The following NBEA variants were observed in gnomAD, a reference collection of about 807,000 sequenced individuals.
NBEA encodes lysosomal-trafficking regulator 2.
Under a neutral mutation model 343.4 loss-of-function variants are expected in NBEA, and 44 were observed. That is an observed-to-expected ratio of 0.13 (90% confidence interval 0.10 to 0.16). The LOEUF is 0.16. Among genes scored for constraint, NBEA ranks in the 10% least tolerant of loss-of-function variants. The pLI is 1.00. For synonymous variants in NBEA, 1,175 were observed against 1,238.7 expected (o/e 0.95, Z 1.08); for missense variants, 2,555 against 3,631.3 (o/e 0.70, Z 7.62).
chr13:35,436,923 A>G (rs141129086), intron 39 of NBEA, among the ~76,000 whole-genome samples: 31 of 152,306 alleles, frequency 2.0e-4, no homozygotes, highest in African/African-American at 6.7e-4. Context: ...CATGTTGTCT[A>G]CACTGGGAGA....
intron 11 of NBEA, among the ~76,000 whole-genome samples, chr13:35,106,680 A>T (rs1347553662): frequency 6.6e-6 from 1 of 151,984 alleles, no homozygotes; most frequent in Non-Finnish European, 1.5e-5. Context: ...ACACAATTTT[A>T]GAAAAATATT....
chr13:35,479,794 TTG>T (rs912734482), intron 41 of NBEA, among the ~76,000 whole-genome samples: 1 of 152,118 alleles, frequency 6.6e-6, no homozygotes, highest in African/African-American at 2.4e-5. Flanking sequence ...TAGAATAAAA[TTG>T]TGTGTGTGTC....
chr13:35,291,603 C>T (rs1011679042), intron 35 of NBEA, among the ~76,000 whole-genome samples: 36 of 151,790 alleles, frequency 2.4e-4, no homozygotes, highest in African/African-American at 7.7e-4. Context: ...TGGACCTTTT[C>T]GATTCATGAT....
chr13:35,304,311 G>A (rs2036742098), intron 35 of NBEA, among the ~76,000 whole-genome samples: 1 of 151,054 alleles, frequency 6.6e-6, no homozygotes, highest in Non-Finnish European at 1.5e-5. Flanking sequence ...GAATTACATT[G>A]CCTTGACAAA....
intron 41 of NBEA, among the ~76,000 whole-genome samples, chr13:35,524,998 C>T (rs1249281772): frequency 6.6e-6 from 1 of 152,074 alleles, no homozygotes; most frequent in Non-Finnish European, 1.5e-5. Flanking sequence ...AAATTGATGT[C>T]ATTTACTTAG....
chr13:35,410,855 G>A (rs939816884), intron 38 of NBEA, among the ~76,000 whole-genome samples: 2 of 152,124 alleles, frequency 1.3e-5, no homozygotes, highest in African/African-American at 4.8e-5. Context: ...TTTGATAAGG[G>A]GAATGAGCAG....
chr13:35,163,385 G>A lies in NBEA; in HGVS notation c.4080-971G>A, dbSNP rs533402991. Among the ~76,000 whole-genome samples the A allele has an allele frequency of 7.9e-5, 12 of 151,792 alleles. No individual in the cohort carries two copies. The South Asian group carries it at 2.3e-3, about 29-fold the overall frequency. Reference sequence around the variant, plus strand: ...AAAAACAGTTCAGGCTAGGTGTGGTGGCTCACACCTATAATCCCAGCACTT... The same window carrying A: ...AAAAACAGTTCAGGCTAGGTGTGGTAGCTCACACCTATAATCCCAGCACTT... On this transcript the variant is annotated intron_variant, in intron 23 of 58. Coordinates refer to ENST00000379939, the MANE Select transcript of NBEA (RefSeq NM_001385012.1).
At chr13:34,988,419 G>C (rs1022404191) in intron 1 of NBEA, among the ~76,000 whole-genome samples, 1 of 151,230 alleles carries the variant, frequency 6.6e-6, no homozygotes, top group African/African-American at 2.4e-5. Flanking sequence ...TATAGAGGTA[G>C]CCGGCCTTGC....
intron 1 of NBEA, among the ~76,000 whole-genome samples, chr13:34,994,323 C>T (rs962187236): frequency 1.0e-4 from 15 of 148,858 alleles, no homozygotes; most frequent in East Asian, 4.0e-4. Flanking sequence ...TTATGTGGAA[C>T]GAGTTTATAC....
At chr13:34,997,405 C>G (rs1465107883) in intron 1 of NBEA, among the ~76,000 whole-genome samples, 2 of 152,164 alleles carry the variant, frequency 1.3e-5, no homozygotes, top group Admixed American at 6.6e-5. Flanking sequence ...TTCCATTGCA[C>G]ATTGATATAT....
chr13:35,222,510 A>G (rs1184270038), intron 33 of NBEA, among the ~76,000 whole-genome samples: 1 of 151,982 alleles, frequency 6.6e-6, no homozygotes, highest in Non-Finnish European at 1.5e-5. Flanking sequence ...TTCCATCTGT[A>G]CTTTATTTTC....
At chr13:35,451,455 G>A (rs977045878) in intron 39 of NBEA, among the ~76,000 whole-genome samples, 8 of 152,120 alleles carry the variant, frequency 5.3e-5, no homozygotes, top group African/African-American at 1.9e-4. Flanking sequence ...GCAAAATAAG[G>A]CTATCATTTC....
chr13:35,000,225 A>T (rs1002292248), intron 1 of NBEA, among the ~76,000 whole-genome samples: 3 of 152,200 alleles, frequency 2.0e-5, no homozygotes, highest in Non-Finnish European at 4.4e-5. Context: ...AAGAAGGGCA[A>T]TGAACCAGGA....
At chr13:35,211,390 T>TC (rs1203542281) in intron 33 of NBEA, among the ~76,000 whole-genome samples, 1 of 152,220 alleles carries the variant, frequency 6.6e-6, no homozygotes, top group Non-Finnish European at 1.5e-5. Context: ...TTTAAAATGT[T>TC]CACTGTCGTA....
At chr13:35,528,003 T>TA (rs991714218) in intron 41 of NBEA, among the ~76,000 whole-genome samples, 6 of 151,966 alleles carry the variant, frequency 3.9e-5, no homozygotes, top group East Asian at 1.9e-4. Flanking sequence ...TCTCAAAAAA[T>TA]AAAAAAAATA....
At chr13:35,136,332 A>G (rs1244518872) in intron 17 of NBEA, among the ~76,000 whole-genome samples, 2 of 152,128 alleles carry the variant, frequency 1.3e-5, no homozygotes, top group Non-Finnish European at 2.9e-5. Flanking sequence ...GAGTGAAAAT[A>G]GTTCTTTTTT....
At chr13:34,994,255 A>AGTTTAGTG (rs1227025910) in intron 1 of NBEA, among the ~76,000 whole-genome samples, 1 of 149,766 alleles carries the variant, frequency 6.7e-6, no homozygotes, top group African/African-American at 2.4e-5. Context: ...AAATAAATGG[A>AGTTTAGTG]GTTTAGTGGT....
At chr13:35,004,741 G>A in intron 1 of NBEA, among the ~76,000 whole-genome samples, 1 of 152,260 alleles carries the variant, frequency 6.6e-6, no homozygotes, top group South Asian at 2.1e-4. Context: ...TATATGACAT[G>A]ATGAAGATGA....
chr13:35,139,355 C>T (rs1451295808), intron 17 of NBEA, among the ~76,000 whole-genome samples: 2 of 152,034 alleles, frequency 1.3e-5, no homozygotes, highest in African/African-American at 4.8e-5. Context: ...GCCACCACAC[C>T]CAGCAATAAG....
Sources: allele counts gnomAD v4.1 joint callset (sites outside exome capture counted in the v4.1 genomes callset), GRCh38; gene constraint gnomAD v4.1.1; transcripts MANE v1.5; gene names NCBI Gene and HGNC (gene_info 2026-07-23, HGNC 2026-07-21).